Variants in RPL7L1 observed in about 807,000 individuals in gnomAD.
RPL7L1 encodes ribosomal protein uL30-like.
A neutral mutation model predicts 30.3 loss-of-function variants in RPL7L1; 20 were observed. The ratio of observed to expected loss-of-function variants is 0.66; its 90% CI spans 0.46 to 0.96. The LOEUF (loss-of-function observed/expected upper bound fraction) is 0.96. RPL7L1 is among the 40% of genes least tolerant of loss of function. The pLI, the probability that RPL7L1 is intolerant of heterozygous loss-of-function variation, is 0.00. For synonymous variants in RPL7L1, 107 were observed against 110.1 expected (o/e 0.97, Z 0.18); for missense variants, 271 against 314.9 (o/e 0.86, Z 1.05).
In RPL7L1 at chr6:42,879,968, T is replaced by C. The variant is rs1399625395; in HGVS notation, c.41+17T>C. 1.2e-6 allele frequency: 2 copies of C among 1,613,700 alleles called. No homozygotes were observed. The highest frequency in any genetic ancestry group is 1.1e-5 in the South Asian group (1 of 91,064). On this transcript the variant is annotated intron_variant, in intron 1 of 5. Coordinates refer to ENST00000493763, the MANE Select transcript of RPL7L1 (RefSeq NM_001366481.3). ...GGAGCAAGAGTGAGTGTTTGGGGCT[T>C]TGAATATCTGGAGTGGGGTCTTGAG...
At chr6:42,880,811 C>A in intron 1 of RPL7L1, 50 bp from the exon 2 acceptor site, 1 of 1,096,436 alleles carries the variant, frequency 9.1e-7, no homozygotes, top group Non-Finnish European at 1.4e-6. Flanking sequence ...CCGAGCCCGG[C>A]CAAGTGTTCT....
rs1766324217 is a variant in RPL7L1, at chr6:42,887,677, G to C, written c.*1213G>C. The C allele has an allele frequency of 6.6e-6, 1 of 152,194 alleles. No homozygotes were observed. The highest frequency in any genetic ancestry group is 2.4e-5 in the African/African-American group (1 of 41,436). The allele number at this position is 152,194 out of a possible 1,614,324, so 9.4% of individuals were successfully genotyped here. On this transcript the variant is annotated 3_prime_UTR_variant, in exon 6 of 6. Transcript: ENST00000493763. ...AATTCCAGTGTTTTCTGCATTGGGT[G>C]CTGTGTCATCTGAAATCGGCACATT... is the stretch of plus-strand genomic sequence containing the variant.
At chr6:42,881,065 AACGGTTTGACAG>A (rs1427601386) in intron 2 of RPL7L1, 99 bp downstream of exon 2, 2 of 709,478 alleles carry the variant, frequency 2.8e-6, no homozygotes, top group Non-Finnish European at 5.0e-6. Flanking sequence ...AGCTCCCCCC[AACGGTTTGACAG>A]ACCAGGTATA....
chr6:42,884,839 G>A, intron 4 of RPL7L1, 89 bp downstream of exon 4: 1 of 1,301,080 alleles, frequency 7.7e-7, no homozygotes, highest in Non-Finnish European at 1.1e-6. Context: ...GGCTCATGTT[G>A]CTGTAGAAGG....
Position 42,881,177 on chromosome 6 carries a change from TGTA to T in RPL7L1, c.147+216_147+218del, listed in dbSNP as rs1766064362. 4 of 412,060 alleles carry T rather than the reference TGTA, an allele frequency of 9.7e-6. No homozygotes were observed. In the Admixed American group the frequency reaches 1.9e-4, roughly 19 times the overall value. 25.5% of individuals were successfully genotyped at this position (412,060 alleles called of 1,614,324 possible). On this transcript the variant is annotated intron_variant, in intron 2 of 5. Coordinates refer to ENST00000493763, the MANE Select transcript of RPL7L1 (RefSeq NM_001366481.3). ...GCTGAAGTCCCTTATATAAAATGGT[TGTA>T]GTAGGCCGGGCGCGGTGGCTCACGC...
chr6:42,884,834 A>G, intron 4 of RPL7L1, 84 bp downstream of exon 4: 2 of 1,360,480 alleles, frequency 1.5e-6, no homozygotes, highest in Admixed American at 3.9e-5. Context: ...TCCAGGGCTC[A>G]TGTTGCTGTA....
rs1365160079 is a variant in RPL7L1 at position 42,884,611 on chromosome 6, AG to A, written c.312del. 6.2e-7 allele frequency: 1 copy of A among 1,611,856 alleles called. No homozygotes were observed. Among genetic ancestry groups the A allele is most frequent in the Non-Finnish European group, 8.5e-7 (1 of 1,179,436 alleles). ...TCTGACTTCTGTTGCTGTTCATTTC[AG>A]GATTGACGGCGTGAGTTTACTGGTG... On this transcript the variant is annotated splice_acceptor_variant, in intron 3 of 5. Transcript: ENST00000493763. LOFTEE classifies it high-confidence loss of function.
chr6:42,883,208 A>G (rs1766143029), intron 2 of RPL7L1: 1 of 324,756 alleles, frequency 3.1e-6, no homozygotes, highest in South Asian at 5.6e-5. Flanking sequence ...GTTAGTAAAC[A>G]CTGATTAATA....
chr6:42,888,149 A>G lies in RPL7L1; in HGVS notation c.*1685A>G, dbSNP rs1049368056. The G allele has an allele frequency of 6.6e-6, 1 of 152,102 alleles. No homozygotes were observed. Among genetic ancestry groups the G allele is most frequent in the African/African-American group, 2.4e-5 (1 of 41,394 alleles). 9.4% of individuals were successfully genotyped at this position (152,102 alleles called of 1,614,324 possible). A position where few individuals can be genotyped will look rare whatever the true frequency, so the allele number is the denominator to read the frequency against. On this transcript the variant is annotated 3_prime_UTR_variant, in exon 6 of 6. Transcript: ENST00000493763. ...TTAGACCCTTCTCAGATACCTGTGC[A>G]TCTTATGGGTTTTGTTTTTCTCTTT...
At chr6:42,881,380 G>T (rs966207338) in intron 2 of RPL7L1, 1 of 153,630 alleles carries the variant, frequency 6.5e-6, no homozygotes, top group Non-Finnish European at 1.5e-5. Flanking sequence ...CAGGAGAATG[G>T]CGTGAACTCG....
rs1468216519 is a variant in RPL7L1 at position 42,886,058 on chromosome 6, C to A, written c.534C>A (p.Asp178Glu). The A allele has an allele frequency of 1.2e-6, 2 of 1,602,274 alleles. No individual in the cohort carries two copies. Among genetic ancestry groups the A allele is most frequent in the South Asian group, 2.2e-5 (2 of 90,884 alleles). ...AGAATAAGACCATCCCTCTGACAGA[C>A]AATACAGTGATTGAGGAGCACCTGG... ...KVKNKTIPLT[D>E]NTVIEEHLGK... is the part of the protein sequence containing the mutation. Residue 178 changes from aspartate to glutamate, a missense_variant, in exon 5 of 6, where the codon GAC becomes GAA. Transcript: ENST00000493763.
At position 42,886,717 on chromosome 6, in the gene RPL7L1, C is replaced by T. The variant is rs992508549; in HGVS notation, c.*253C>T. On this transcript the variant is annotated 3_prime_UTR_variant, in exon 6 of 6. Coordinates refer to ENST00000493763, the MANE Select transcript of RPL7L1 (RefSeq NM_001366481.3). ...AGTAACTAAAAACTGTATTGCTGGC[C>T]GGGCGCGGTGGCTCACGCCTGTAAT... 14 of 379,104 alleles carry T rather than the reference C, an allele frequency of 3.7e-5. No homozygotes were observed. The highest frequency in any genetic ancestry group is 8.0e-5 in the South Asian group (3 of 37,734). The allele number at this position is 379,104 out of a possible 1,614,324, so 23.5% of individuals were successfully genotyped here. A position where few individuals can be genotyped will look rare whatever the true frequency, so the allele number is the denominator to read the frequency against.
chr6:42,886,233 A>C (rs895640488), intron 5 of RPL7L1, 23 bp from the exon 6 acceptor site: 2 of 1,593,884 alleles, frequency 1.3e-6, no homozygotes, highest in African/African-American at 2.7e-5. Flanking sequence ...AAATAAAGGA[A>C]TCTGTGCTTT....
chr6:42,882,277 C>T (rs1766107538), intron 2 of RPL7L1: 2 of 140,638 alleles, frequency 1.4e-5, no homozygotes, highest in Non-Finnish European at 1.5e-5. Flanking sequence ...TTCATTTTTT[C>T]CCCTGAATTT....
chr6:42,884,742 G>T lies in RPL7L1; in HGVS notation c.441G>T (p.Val147=). 1 of 1,612,554 alleles carries T rather than the reference G, an allele frequency of 6.2e-7. No homozygotes were observed. The highest frequency in any genetic ancestry group is 1.1e-5 in the South Asian group (1 of 91,024). The change falls in exon 4 of 6, where the codon GTG becomes GTT. Residue 147 remains valine (V), a synonymous_variant. Transcript: ENST00000493763. ...TGCTGCGTATAGTGGAACCTTATGT[G>T]ACCTGGGGGTAAGTAAGGTTTTCCA... ...LKMLRIVEPY[V]TWGFPNLKSV...
At chr6:42,883,416 C>T in intron 2 of RPL7L1, 35 bp from the exon 3 acceptor site, 1 of 1,510,660 alleles carries the variant, frequency 6.6e-7, no homozygotes, top group Non-Finnish European at 8.9e-7. Flanking sequence ...TGTATGGAGG[C>T]ACAAGATGAT....
chr6:42,889,217 G>A lies in RPL7L1; in HGVS notation c.*2753G>A, dbSNP rs1766387078. 6.6e-6 allele frequency: 1 copy of A among 152,294 alleles called. No homozygotes were observed. The highest frequency in any genetic ancestry group is 1.5e-5 in the Non-Finnish European group (1 of 68,124). 9.4% of individuals were successfully genotyped at this position (152,294 alleles called of 1,614,324 possible). ...ACACTTCAGGAGGCTGAGGCAGGCA[G>A]ATCACTTGAGGTCAGGAGTTCGAGA... On this transcript the variant is annotated 3_prime_UTR_variant, in exon 6 of 6. Transcript: ENST00000493763.
At chr6:42,881,158 G>T in intron 2 of RPL7L1, 192 bp downstream of exon 2, 1 of 499,616 alleles carries the variant, frequency 2.0e-6, no homozygotes, top group Admixed American at 3.6e-5. Flanking sequence ...GACTGCTGAA[G>T]TCCCTTATAT....
Position 42,880,875 on chromosome 6 carries a change from C to G in RPL7L1, c.56C>G (p.Pro19Arg). The stretch of plus-strand genomic sequence containing the variant: ...TTCTGCATCAGGCAAAGAAAAATCC[C>G]TTTGGTTCCAGAAAATCTCCTGAAA... ...KMAEQEQRKI[P>R]LVPENLLKKR... The change falls in exon 2 of 6, where the codon CCT becomes CGT. Residue 19 changes from proline (P) to arginine (R), a missense_variant. Coordinates refer to ENST00000493763, the MANE Select transcript of RPL7L1 (RefSeq NM_001366481.3). 1.3e-6 allele frequency: 2 copies of G among 1,597,176 alleles called. No homozygotes were observed. Among genetic ancestry groups the G allele is most frequent in the South Asian group, 2.2e-5 (2 of 90,674 alleles).
Sources: allele counts gnomAD v4.1 joint callset, GRCh38; gene constraint gnomAD v4.1.1; transcripts MANE v1.5; gene names NCBI Gene and HGNC (gene_info 2026-07-23, HGNC 2026-07-21).